The following MALRD1 variants were observed in gnomAD, a reference collection of about 807,000 sequenced individuals.
MALRD1 encodes the protein MAM and LDL-receptor class A domain-containing protein 1.
A neutral mutation model predicts 242.1 loss-of-function variants in MALRD1; 247 were observed. The ratio of observed to expected loss-of-function variants is 1.02; its 90% CI spans 0.92 to 1.13. The LOEUF (loss-of-function observed/expected upper bound fraction) is 1.13, where lower values mean the gene tolerates loss of function less well. MALRD1 is among the 50% of genes most tolerant of loss of function. MALRD1 has a pLI of 0.00. For synonymous variants in MALRD1, 995 were observed against 866.6 expected (o/e 1.15, Z -2.60); for missense variants, 2,989 against 2,533.1 (o/e 1.18, Z -3.86).
At chr10:19,087,710 G>A (rs563731322) in intron 2 of MALRD1, 130 bp from the exon 3 acceptor site, 10 of 424,826 alleles carry the variant, frequency 2.4e-5, no homozygotes, top group South Asian at 1.3e-4. Flanking sequence ...ATCCAATCAC[G>A]CTCTTTTAGT....
Position 19,692,287 on chromosome 10 carries a change from G to C in MALRD1, c.6143G>C (p.Arg2048Thr). Residue 2048 changes from arginine (R) to threonine (T), a missense_variant, in exon 37 of 40, where the codon AGA becomes ACA. Arg to Thr is a moderately conservative substitution (Grantham distance 71). Coordinates refer to ENST00000454679, the MANE Select transcript of MALRD1 (RefSeq NM_001142308.3). ...TTATTTTATCTCCTTTCCAGATGTA[G>C]ACAAGGCTGGAAAGGAAATCGATGC... ...VEKNGPMCRC[R>T]QGWKGNRCHI... is the part of the protein sequence containing the mutation. 6.5e-7 allele frequency: 1 copy of C among 1,533,620 alleles called. No homozygotes were observed. The highest frequency in any genetic ancestry group is 8.7e-7 in the Non-Finnish European group (1 of 1,145,312).
Position 19,123,037 on chromosome 10 carries a change from A to G in MALRD1, c.695-455A>G, listed in dbSNP as rs546416471. ...AGGTGTGAGCCACCATGGCCGGCCA[A>G]CAGGCACAATTTGAGAAAGCTCCAG... On this transcript the variant is annotated intron_variant, in intron 5 of 39. Transcript: ENST00000454679. 3.9e-5 allele frequency among the ~76,000 whole-genome samples: 6 copies of G among 152,316 alleles called. No homozygotes were observed. In the South Asian group the frequency reaches 8.3e-4, roughly 21 times the overall value.
intron 11 of MALRD1, among the ~76,000 whole-genome samples, chr10:19,147,317 T>C (rs1427349041): frequency 6.6e-6 from 1 of 152,146 alleles, no homozygotes; most frequent in African/African-American, 2.4e-5. Flanking sequence ...GGGTTGGTGG[T>C]AGTGGGTGAG....
At chr10:19,056,744 G>T (rs140448220) in intron 1 of MALRD1, among the ~76,000 whole-genome samples, 31 of 152,100 alleles carry the variant, frequency 2.0e-4, no homozygotes, top group Admixed American at 1.4e-3. Context: ...GTGAGAATAG[G>T]TATTTTTGTT....
chr10:19,501,715 A>G (rs1837981065), intron 31 of MALRD1, among the ~76,000 whole-genome samples: 1 of 152,138 alleles, frequency 6.6e-6, no homozygotes, highest in Non-Finnish European at 1.5e-5. Flanking sequence ...GGGTTAAAGT[A>G]GAGGAGGAAA....
chr10:19,396,141 C>CTTT (rs71387076), intron 28 of MALRD1, among the ~76,000 whole-genome samples: 1 of 103,944 alleles, frequency 9.6e-6, no homozygotes, highest in Admixed American at 9.8e-5. Flanking sequence ...TTTTTTTTTT[C>CTTT]TTTTTTTTTT....
At chr10:19,510,711 A>C (rs560935758) in intron 31 of MALRD1, among the ~76,000 whole-genome samples, 16 of 152,248 alleles carry the variant, frequency 1.1e-4, no homozygotes, top group Non-Finnish European at 2.1e-4. Flanking sequence ...TCTTATGTCT[A>C]CTTCTTTCTA....
intron 38 of MALRD1, among the ~76,000 whole-genome samples, chr10:19,710,025 A>G (rs969533645): frequency 6.6e-6 from 1 of 152,180 alleles, no homozygotes; most frequent in Non-Finnish European, 1.5e-5. Flanking sequence ...ACTTGAGCCC[A>G]GGAGTTGGAG....
At chr10:19,242,126 A>G (rs1364353615) in intron 18 of MALRD1, among the ~76,000 whole-genome samples, 1 of 152,186 alleles carries the variant, frequency 6.6e-6, no homozygotes, top group Non-Finnish European at 1.5e-5. Context: ...TAGTGGACTC[A>G]TAGTTCCACT....
intron 29 of MALRD1, among the ~76,000 whole-genome samples, chr10:19,468,118 ATC>A (rs200529008): frequency 2.8e-5 from 3 of 105,506 alleles, no homozygotes; most frequent in Admixed American, 9.6e-5. Context: ...CAAAAAAAAA[ATC>A]TATTGTGCTT....
At chr10:19,095,208 G>A (rs78014919) in intron 4 of MALRD1, among the ~76,000 whole-genome samples, 1,804 of 152,250 alleles carry the variant, frequency 0.012, 41 homozygotes, top group African/African-American at 0.042. Context: ...ATGGCTAAAT[G>A]AACAGGATAT....
chr10:19,279,802 C>T (rs893331410), intron 19 of MALRD1, among the ~76,000 whole-genome samples: 2 of 152,162 alleles, frequency 1.3e-5, no homozygotes, highest in African/African-American at 4.8e-5. Context: ...ATTTGGTGAG[C>T]TCTGAATAGC....
intron 18 of MALRD1, among the ~76,000 whole-genome samples, chr10:19,253,711 A>G (rs1307682988): frequency 2.6e-5 from 4 of 152,130 alleles, no homozygotes; most frequent in Middle Eastern, 3.4e-3. Context: ...AACCACTACA[A>G]CCAAAATAGA....
intron 31 of MALRD1, among the ~76,000 whole-genome samples, chr10:19,506,911 A>T (rs1441581825): frequency 6.6e-6 from 1 of 152,142 alleles, no homozygotes; most frequent in African/African-American, 2.4e-5. Flanking sequence ...TGGGTAAGTG[A>T]TAAAGAAATT....
At chr10:19,593,840 C>T (rs1249107063) in intron 33 of MALRD1, among the ~76,000 whole-genome samples, 5 of 152,138 alleles carry the variant, frequency 3.3e-5, no homozygotes, top group Admixed American at 3.3e-4. Flanking sequence ...GCTTCAGTGT[C>T]TTCGTTTGTA....
chr10:19,266,976 A>G (rs1839998921), intron 19 of MALRD1, among the ~76,000 whole-genome samples: 2 of 151,974 alleles, frequency 1.3e-5, no homozygotes, highest in Non-Finnish European at 2.9e-5. Context: ...CAAAGGAAGT[A>G]TTTGCTTTTC....
intron 18 of MALRD1, among the ~76,000 whole-genome samples, chr10:19,230,316 T>C (rs1357749679): frequency 6.6e-6 from 1 of 152,128 alleles, no homozygotes; most frequent in Admixed American, 6.6e-5. Flanking sequence ...GGGTAATTTA[T>C]AAAGAAATGA....
chr10:19,615,952 T>C (rs1320931750), intron 36 of MALRD1, 29 bp downstream of exon 36: 18 of 1,133,292 alleles, frequency 1.6e-5, no homozygotes, highest in Non-Finnish European at 2.3e-5. Context: ...TTTTTTTTTT[T>C]AAGATTTTTT....
intron 18 of MALRD1, among the ~76,000 whole-genome samples, chr10:19,242,675 A>T (rs1006896662): frequency 6.6e-6 from 1 of 152,112 alleles, no homozygotes; most frequent in Non-Finnish European, 1.5e-5. Context: ...TTTTGTCATT[A>T]TACAGTGACA....
Sources: gnomAD v4.1 joint callset for allele counts (sites outside exome capture counted in the v4.1 genomes callset) on GRCh38, gnomAD v4.1.1 for gene constraint, MANE v1.5 for transcripts, NCBI Gene and HGNC (gene_info 2026-07-23, HGNC 2026-07-21) for gene names.